Variants in ANO4 observed in about 807,000 individuals in gnomAD.
ANO4 encodes anoctamin-4.
ANO4 carries 69 observed loss-of-function variants against 141.9 expected under a neutral mutation model. That is an observed-to-expected ratio of 0.49 (90% CI 0.40 to 0.59). The LOEUF is 0.59. Among genes scored for constraint, ANO4 ranks in the 20% least tolerant of loss-of-function variants. The pLI is 0.00. For synonymous variants in ANO4, 350 were observed against 394.3 expected, an observed-to-expected ratio of 0.89 and a Z score of 1.33; for missense variants, 894 against 1,162.2, an observed-to-expected ratio of 0.77 and a Z score of 3.36.
intron 1 of ANO4, among the ~76,000 whole-genome samples, chr12:100,833,108 G>A (rs2036717902): frequency 6.6e-6 from 1 of 152,068 alleles, no homozygotes. Context: ...AGGGACTGGG[G>A]GAGAGGATGC....
chr12:100,859,780 G>A (rs1593542789), intron 1 of ANO4, among the ~76,000 whole-genome samples: 1 of 152,076 alleles, frequency 6.6e-6, no homozygotes, highest in African/African-American at 2.4e-5. Flanking sequence ...CCTGGCACTA[G>A]GTGTGGCATT....
chr12:100,809,789 A>G (rs759445064), intron 1 of ANO4, among the ~76,000 whole-genome samples: 4 of 152,230 alleles, frequency 2.6e-5, no homozygotes, highest in Non-Finnish European at 5.9e-5. Context: ...TCTGGTAGCC[A>G]TATGGAGAGC....
intron 1 of ANO4, among the ~76,000 whole-genome samples, chr12:100,817,249 A>C (rs1054812793): frequency 5.3e-5 from 8 of 151,646 alleles, no homozygotes; most frequent in African/African-American, 1.9e-4. Context: ...CCTATTTGCT[A>C]AGGTCAAAAC....
chr12:100,791,733 T>C (rs987238752), upstream of ANO4, among the ~76,000 whole-genome samples: 1 of 152,212 alleles, frequency 6.6e-6, no homozygotes, highest in African/African-American at 2.4e-5. Context: ...CTGAGGCTGT[T>C]CCAGTTGTTC....
chr12:100,968,598 A>T (rs913895735), intron 5 of ANO4, among the ~76,000 whole-genome samples: 2 of 152,202 alleles, frequency 1.3e-5, no homozygotes, highest in African/African-American at 4.8e-5. Context: ...AAAATTTCCA[A>T]CTTAGGAAGC....
intron 8 of ANO4, among the ~76,000 whole-genome samples, chr12:100,993,432 C>T (rs986945641): frequency 5.3e-5 from 8 of 152,178 alleles, no homozygotes; most frequent in East Asian, 3.9e-4. Flanking sequence ...CACCAATTTA[C>T]GGATGAGGAA....
chr12:100,995,630 G>A (rs2045335500), intron 8 of ANO4, among the ~76,000 whole-genome samples: 1 of 152,158 alleles, frequency 6.6e-6, no homozygotes, highest in African/African-American at 2.4e-5. Context: ...AAGCTTTTGT[G>A]TTGTACACAA....
intron 1 of ANO4, among the ~76,000 whole-genome samples, chr12:100,891,246 A>G (rs1180866520): frequency 1.3e-5 from 2 of 152,224 alleles, no homozygotes; most frequent in Non-Finnish European, 2.9e-5. Flanking sequence ...GGTTGTTTCC[A>G]AGTTTTGGCA....
intron 1 of ANO4, among the ~76,000 whole-genome samples, chr12:100,896,342 C>G (rs1483049489): frequency 6.6e-6 from 1 of 152,080 alleles, no homozygotes; most frequent in Non-Finnish European, 1.5e-5. Context: ...GTGATATAAT[C>G]ACAGAGATAG....
At chr12:100,876,278 C>CAAAA (rs79799106) in intron 1 of ANO4, among the ~76,000 whole-genome samples, 6,530 of 91,668 alleles carry the variant, frequency 0.071, 278 homozygotes, top group African/African-American at 0.091. Flanking sequence ...ATATAAAGAC[C>CAAAA]AAAAAAAAAA....
intron 5 of ANO4, among the ~76,000 whole-genome samples, chr12:100,944,819 A>G (rs1318898053): frequency 1.3e-5 from 2 of 152,238 alleles, no homozygotes; most frequent in African/African-American, 2.4e-5. Context: ...TTGGCTGAAC[A>G]GTAAACAAAC....
chr12:100,789,932 T>C (rs1440948421), upstream of ANO4, among the ~76,000 whole-genome samples: 1 of 152,172 alleles, frequency 6.6e-6, no homozygotes, highest in Non-Finnish European at 1.5e-5. Flanking sequence ...TATTTGTATT[T>C]GATAAAAAGA....
chr12:100,953,868 G>A (rs971123672), intron 5 of ANO4, among the ~76,000 whole-genome samples: 4 of 149,606 alleles, frequency 2.7e-5, no homozygotes, highest in African/African-American at 1.0e-4. Flanking sequence ...AGTAAGTGGA[G>A]TAACTGAATG....
At chr12:101,068,861 G>C in intron 14 of ANO4, 1 of 908,510 alleles carries the variant, frequency 1.1e-6, no homozygotes, top group South Asian at 1.3e-5. Context: ...AAAGTAGAGG[G>C]TTGAATCTCA....
chr12:100,965,060 G>A (rs1254649474), intron 5 of ANO4, among the ~76,000 whole-genome samples: 6 of 152,172 alleles, frequency 3.9e-5, no homozygotes, highest in South Asian at 2.1e-4. Flanking sequence ...ATGAGTGGAT[G>A]TGTGAGTGAA....
chr12:100,805,495 A>G (rs796251409), intron 1 of ANO4, among the ~76,000 whole-genome samples: 41 of 152,328 alleles, frequency 2.7e-4, no homozygotes, highest in African/African-American at 8.4e-4. Context: ...AAGAATGTCA[A>G]TGGTAGTTTA....
At chr12:101,047,185 G>T (rs1450539237) in intron 13 of ANO4, among the ~76,000 whole-genome samples, 1 of 152,174 alleles carries the variant, frequency 6.6e-6, no homozygotes, top group Non-Finnish European at 1.5e-5. Context: ...GGAGGTGGAG[G>T]TTGCAGTGAG....
chr12:101,113,636 C>T (rs2050745594), intron 24 of ANO4, among the ~76,000 whole-genome samples: 1 of 152,110 alleles, frequency 6.6e-6, no homozygotes, highest in Non-Finnish European at 1.5e-5. Context: ...TATTACTTTT[C>T]AGATTTTTTT....
At chr12:100,761,247 C>G (rs919049396) in intron 3 of ANO4, among the ~76,000 whole-genome samples, 1 of 152,116 alleles carries the variant, frequency 6.6e-6, no homozygotes, top group Non-Finnish European at 1.5e-5. Flanking sequence ...TGCTTAAGCC[C>G]CAGGCCTATG....
Sources: allele counts gnomAD v4.1 joint callset (sites outside exome capture counted in the v4.1 genomes callset), GRCh38; gene constraint gnomAD v4.1.1; transcripts MANE v1.5; gene names NCBI Gene and HGNC (gene_info 2026-07-23, HGNC 2026-07-21).